VAV3: variants seen among roughly 807,000 people sequenced by gnomAD.
VAV3 encodes guanine nucleotide exchange factor VAV3.
In VAV3, 94 loss-of-function variants were observed where a neutral mutation model predicts 131.2. The ratio of observed to expected loss-of-function variants is 0.72; its 90% confidence interval spans 0.61 to 0.85. The LOEUF is 0.85. Ranked by LOEUF, VAV3 falls within the 40% of genes least tolerant of loss-of-function variation. The pLI is 0.00. For synonymous variants in VAV3, 349 were observed against 342.0 expected, an observed-to-expected ratio of 1.02 and a Z score of -0.22; for missense variants, 939 against 1,002.7, an observed-to-expected ratio of 0.94 and a Z score of 0.86.
intron 2 of VAV3, chr1:107,785,404 G>T: frequency 7.6e-7 from 1 of 1,314,160 alleles, no homozygotes. Context: ...GAAAGGCCGG[G>T]TTCAGTAACA....
chr1:107,943,343 A>T (rs924357978), intron 1 of VAV3, among the ~76,000 whole-genome samples: 7 of 152,204 alleles, frequency 4.6e-5, no homozygotes, highest in African/African-American at 1.4e-4. Flanking sequence ...GATAAACTAC[A>T]AAATTACATA....
At chr1:107,724,905 C>T (rs1661743788) in intron 15 of VAV3, among the ~76,000 whole-genome samples, 1 of 151,596 alleles carries the variant, frequency 6.6e-6, no homozygotes, top group Non-Finnish European at 1.5e-5. Context: ...CTCCAGAAAT[C>T]TGATCTTGTT....
chr1:107,769,182 T>C (rs1664901661), intron 6 of VAV3, among the ~76,000 whole-genome samples: 1 of 152,184 alleles, frequency 6.6e-6, no homozygotes, highest in Non-Finnish European at 1.5e-5. Context: ...CATATCCTCA[T>C]TTCCCTCCTA....
rs1455782651 is a variant in VAV3, at chr1:107,642,756, CT to C, written c.1778-2del. ...CTAATGACCTGCATCTTTGGTAAAC[CT>C]GAAAATAAGCCAAACAAGTTTTAGA... On this transcript the variant is annotated splice_acceptor_variant, in intron 19 of 26. Transcript: ENST00000370056. LOFTEE classifies it high-confidence loss of function. 11 of 1,612,804 alleles carry C rather than the reference CT, an allele frequency of 6.8e-6. No individual in the cohort carries two copies. The highest frequency in any genetic ancestry group is 1.7e-6 in the Non-Finnish European group (2 of 1,179,400).
intron 2 of VAV3, among the ~76,000 whole-genome samples, chr1:107,851,757 G>A (rs147549661): frequency 0.01 from 1,585 of 152,220 alleles, 11 homozygotes; most frequent in Non-Finnish European, 0.018. Flanking sequence ...TCACCATTAG[G>A]CAGCATCAGC....
intron 2 of VAV3, among the ~76,000 whole-genome samples, chr1:107,870,924 T>G (rs1020984187): frequency 6.6e-6 from 1 of 152,162 alleles, no homozygotes; most frequent in Non-Finnish European, 1.5e-5. Context: ...TAGTCACTCA[T>G]CTGGACAGTG....
intron 20 of VAV3, among the ~76,000 whole-genome samples, chr1:107,641,707 C>T (rs1373473706): frequency 2.6e-5 from 4 of 152,084 alleles, no homozygotes; most frequent in African/African-American, 9.7e-5. Context: ...CAAATATGGT[C>T]AGAAATGGCC....
intron 2 of VAV3, among the ~76,000 whole-genome samples, chr1:107,804,966 G>GT (rs111529064): frequency 0.019 from 2,786 of 146,342 alleles, 75 homozygotes; most frequent in African/African-American, 0.058. Context: ...TGGGGGTTGG[G>GT]TTTTTTTTTT....
chr1:107,779,733 G>A lies in VAV3; in HGVS notation c.322-241C>T, dbSNP rs1318587878. On this transcript the variant is annotated intron_variant, in intron 2 of 26. Transcript: ENST00000370056. ...CTTTAAGTAGATTACTAACCCATTTGAGTTGCAGATTCTATATCAGTATAA... is the reference window on the plus strand; with the variant it reads ...CTTTAAGTAGATTACTAACCCATTTAAGTTGCAGATTCTATATCAGTATAA... Among the ~76,000 whole-genome samples the A allele has an allele frequency of 3.3e-5, 5 of 152,178 alleles. No homozygotes were observed. In the South Asian group the frequency reaches 6.2e-4, roughly 19 times the overall value.
intron 19 of VAV3, among the ~76,000 whole-genome samples, chr1:107,649,858 C>T (rs1329610386): frequency 6.6e-6 from 1 of 152,074 alleles, no homozygotes; most frequent in East Asian, 1.9e-4. Flanking sequence ...TACATCCCTC[C>T]CTCATAAAGC....
In VAV3 at chr1:107,710,338, G is replaced by A. The variant is rs60860131; in HGVS notation, c.1503-5277C>T. Reference sequence around the variant, plus strand: ...TCATATTGCATTGAAAGTAAAAGTAGGAGAGCTGGAAGCAAATGTCAGTGC... The same window carrying A: ...TCATATTGCATTGAAAGTAAAAGTAAGAGAGCTGGAAGCAAATGTCAGTGC... On this transcript the variant is annotated intron_variant, in intron 15 of 26. Coordinates refer to ENST00000370056, the MANE Select transcript of VAV3 (RefSeq NM_006113.5). Among the ~76,000 whole-genome samples, 814 of 152,208 alleles carry A rather than the reference G, an allele frequency of 5.3e-3. 10 individuals carry two copies. Among genetic ancestry groups the A allele is most frequent in the African/African-American group, 0.017 (717 of 41,566 alleles).
At chr1:107,764,428 C>T (rs1285321084) in intron 9 of VAV3, among the ~76,000 whole-genome samples, 4 of 152,188 alleles carry the variant, frequency 2.6e-5, no homozygotes, top group African/African-American at 9.7e-5. Flanking sequence ...TTAATCCTAC[C>T]ATATTTGTGT....
chr1:107,620,719 G>A (rs1428175879), intron 20 of VAV3, among the ~76,000 whole-genome samples: 2 of 152,116 alleles, frequency 1.3e-5, no homozygotes, highest in South Asian at 2.1e-4. Flanking sequence ...TAAGGACAGC[G>A]TTGGGGAGTG....
At chr1:107,866,822 C>CAAAAAAAAAAAAAAAAAAAA (rs66866060) in intron 2 of VAV3, among the ~76,000 whole-genome samples, 2 of 59,200 alleles carry the variant, frequency 3.4e-5, no homozygotes, top group South Asian at 6.1e-4. Context: ...GACTCCATCT[C>CAAAAAAAAAAAAAAAAAAAA]AAAAAAAAAA....
intron 19 of VAV3, among the ~76,000 whole-genome samples, chr1:107,652,857 A>G (rs935951165): frequency 1.3e-5 from 2 of 152,138 alleles, no homozygotes; most frequent in African/African-American, 4.8e-5. Flanking sequence ...TGTTTTTGAC[A>G]TGTAAAACTG....
chr1:107,949,559 A>G (rs1186013656), intron 1 of VAV3, among the ~76,000 whole-genome samples: 2 of 152,278 alleles, frequency 1.3e-5, no homozygotes, highest in East Asian at 3.9e-4. Context: ...CTCCCACCTT[A>G]GCCTCCCAAA....
At chr1:107,885,492 T>C (rs1236849384) in intron 1 of VAV3, among the ~76,000 whole-genome samples, 1 of 151,788 alleles carries the variant, frequency 6.6e-6, no homozygotes, top group African/African-American at 2.4e-5. Flanking sequence ...CAGGAGTAAA[T>C]TGATAAGTAA....
chr1:107,773,232 C>T (rs960301269), intron 4 of VAV3, among the ~76,000 whole-genome samples: 1 of 152,198 alleles, frequency 6.6e-6, no homozygotes, highest in Non-Finnish European at 1.5e-5. Context: ...TAGTCACTGG[C>T]AGATCCAATA....
chr1:107,709,869 C>G (rs1456206814), intron 15 of VAV3, among the ~76,000 whole-genome samples: 1 of 152,176 alleles, frequency 6.6e-6, no homozygotes, highest in African/African-American at 2.4e-5. Flanking sequence ...TCAATTAAAT[C>G]TCTTTTTTAA....
Sources: allele counts gnomAD v4.1 joint callset (sites outside exome capture counted in the v4.1 genomes callset), GRCh38; gene constraint gnomAD v4.1.1; transcripts MANE v1.5; gene names NCBI Gene and HGNC (gene_info 2026-07-23, HGNC 2026-07-21).